Variants in PSMG2 observed in about 807,000 individuals in gnomAD.
The protein encoded by PSMG2 is proteasome assembly chaperone 2.
In PSMG2, 21 loss-of-function variants were observed where a neutral mutation model predicts 31.5. The observed-to-expected ratio is 0.67, with a 90% CI of 0.47 to 0.96. The LOEUF is 0.96. Among genes scored for constraint, PSMG2 ranks in the 40% least tolerant of loss-of-function variants. PSMG2 has a pLI of 0.00. For synonymous variants in PSMG2, 120 were observed against 110.4 expected, an observed-to-expected ratio of 1.09 and a Z score of -0.54; for missense variants, 318 against 321.2, an observed-to-expected ratio of 0.99 and a Z score of 0.08.
chr18:12,706,825 G>T, intron 2 of PSMG2, 104 bp downstream of exon 2: 1 of 1,226,430 alleles, frequency 8.2e-7, no homozygotes, highest in Admixed American at 2.7e-5. Flanking sequence ...TTTACTTAGT[G>T]CCAACTTTGT....
rs528331474 is a variant in PSMG2 at position 12,695,302 on chromosome 18, C to T, written c.-36-11248C>T. 5.1e-6 allele frequency: 8 copies of T among 1,573,074 alleles called. No individual in the cohort carries two copies. Among genetic ancestry groups the T allele is most frequent in the Admixed American group, 1.7e-5 (1 of 58,410 alleles). On this transcript the variant is annotated intron_variant, in intron 1 of 6. Transcript: ENST00000585331. ...ATAACGTTTGATTGAGTGGTGGATA[C>T]ATTTCAAGTTTTATATTTAAAATTC...
At chr18:12,680,045 G>A (rs1475447478) in intron 1 of PSMG2, among the ~76,000 whole-genome samples, 4 of 138,190 alleles carry the variant, frequency 2.9e-5, no homozygotes, top group African/African-American at 8.0e-5. Flanking sequence ...AACAGAATGA[G>A]ACACTGCAAA....
chr18:12,699,297 C>T (rs2040068929), upstream of PSMG2: 2 of 862,540 alleles, frequency 2.3e-6, no homozygotes, highest in Non-Finnish European at 3.6e-6. Context: ...CAGATAAAAA[C>T]CCAATACCAA....
At chr18:12,668,057 G>A (rs1264452424) in intron 1 of PSMG2, among the ~76,000 whole-genome samples, 1 of 152,048 alleles carries the variant, frequency 6.6e-6, no homozygotes, top group Non-Finnish European at 1.5e-5. Context: ...CTGAGGTCAG[G>A]AGTTTGAAAC....
rs183206746 is a variant in PSMG2, at chr18:12,716,758, A to G, written c.289-1759A>G. ...TGATTCTTTGTGCTGATACTGTTCT[A>G]AGTACCTTATATTTATTACTTAATC... On this transcript the variant is annotated intron_variant, in intron 3 of 6. Transcript: ENST00000317615. 1.8e-3 allele frequency among the ~76,000 whole-genome samples: 277 copies of G among 152,160 alleles called. 1 individual carries two copies. The highest frequency in any genetic ancestry group is 6.5e-3 in the African/African-American group (268 of 41,522).
At chr18:12,703,388 C>A (rs1182208469) in intron 1 of PSMG2, among the ~76,000 whole-genome samples, 1 of 152,276 alleles carries the variant, frequency 6.6e-6, no homozygotes, top group African/African-American at 2.4e-5. Context: ...TTTGTAGTCT[C>A]TGTTTCCTGT....
chr18:12,702,449 C>T (rs1386845224), upstream of PSMG2: 4 of 1,511,696 alleles, frequency 2.6e-6, no homozygotes, highest in South Asian at 1.1e-5. Flanking sequence ...GGTTATGGGT[C>T]GGCCCGGCGG....
At chr18:12,682,028 TCTGATA>T (rs928588822) in intron 1 of PSMG2, among the ~76,000 whole-genome samples, 8 of 151,880 alleles carry the variant, frequency 5.3e-5, no homozygotes, top group Non-Finnish European at 8.8e-5. Flanking sequence ...AAAGAAAATA[TCTGATA>T]CTGTGTTCTG....
chr18:12,683,003 TAGTC>T (rs1385539026), intron 1 of PSMG2, among the ~76,000 whole-genome samples: 15 of 152,098 alleles, frequency 9.9e-5, no homozygotes, highest in Non-Finnish European at 1.6e-4. Context: ...TCTGCAAAGA[TAGTC>T]AGTGTGAAAG....
chr18:12,710,358 A>G (rs1423494955), intron 2 of PSMG2, among the ~76,000 whole-genome samples: 1 of 152,194 alleles, frequency 6.6e-6, no homozygotes, highest in Non-Finnish European at 1.5e-5. Flanking sequence ...TTAATGCCTT[A>G]TCCTTCTTAG....
intron 1 of PSMG2, chr18:12,670,320 AC>A (rs1018869475): frequency 6.6e-6 from 1 of 151,458 alleles, no homozygotes. Context: ...ACAGAGTGAG[AC>A]TCTGTCTCAA....
chr18:12,720,533 C>A lies in PSMG2; in HGVS notation c.431C>A (p.Thr144Lys), dbSNP rs748583056. The A allele has an allele frequency of 2.5e-6, 4 of 1,609,936 alleles. No homozygotes were observed. Among genetic ancestry groups the A allele is most frequent in the Non-Finnish European group, 3.4e-6 (4 of 1,178,466 alleles). Residue 144 changes from threonine (T) to lysine (K), a missense_variant, in exon 5 of 7, where the codon ACA becomes AAA. Physicochemically the swap from Thr to Lys is moderately conservative, Grantham distance 78. Coordinates refer to ENST00000317615, the MANE Select transcript of PSMG2 (RefSeq NM_020232.5). ...AGTACTCCCTTCCGGTACCTACTTA[C>A]ACCTTCCATGCAAAAAAGTGTTCAA... ...LRSTPFRYLL[T>K]PSMQKSVQNK...
chr18:12,683,283 C>T (rs978975617), intron 1 of PSMG2, among the ~76,000 whole-genome samples: 5 of 149,456 alleles, frequency 3.3e-5, no homozygotes, highest in African/African-American at 4.9e-5. Context: ...GGCTGGGAGG[C>T]GGAGGTTGCA....
chr18:12,695,591 A>G (rs893597719), intron 1 of PSMG2, among the ~76,000 whole-genome samples: 3 of 151,936 alleles, frequency 2.0e-5, no homozygotes, highest in Non-Finnish European at 4.4e-5. Flanking sequence ...TTCTTCTTTA[A>G]GTAGAGATGG....
intron 5 of PSMG2, among the ~76,000 whole-genome samples, chr18:12,723,790 C>T (rs1555650468): frequency 6.6e-6 from 1 of 152,196 alleles, no homozygotes; most frequent in Non-Finnish European, 1.5e-5. Flanking sequence ...GCCTCCACTA[C>T]CTCCTTTCAG....
chr18:12,706,850 C>A, intron 2 of PSMG2, 129 bp downstream of exon 2: 1 of 912,512 alleles, frequency 1.1e-6, no homozygotes. Context: ...AGTTCACAAC[C>A]CAATCACATT....
At chr18:12,675,959 G>A (rs146974383) in intron 1 of PSMG2, among the ~76,000 whole-genome samples, 96 of 152,126 alleles carry the variant, frequency 6.3e-4, no homozygotes, top group African/African-American at 1.8e-3. Flanking sequence ...ATAAGCCACC[G>A]TGCCCAGCCC....
chr18:12,674,713 T>C (rs1298646553), intron 1 of PSMG2: 9 of 1,614,040 alleles, frequency 5.6e-6, no homozygotes, highest in Non-Finnish European at 7.6e-6. Context: ...TGATAAAAGG[T>C]AGGAGAGCTG....
intron 3 of PSMG2, among the ~76,000 whole-genome samples, chr18:12,717,452 T>G (rs921749152): frequency 6.6e-6 from 1 of 152,246 alleles, no homozygotes; most frequent in African/African-American, 2.4e-5. Flanking sequence ...CCACACCTAC[T>G]TGATCTCTCG....
Sources: gnomAD v4.1 joint callset for allele counts (sites outside exome capture counted in the v4.1 genomes callset) on GRCh38, gnomAD v4.1.1 for gene constraint, MANE v1.5 for transcripts, NCBI Gene and HGNC (gene_info 2026-07-23, HGNC 2026-07-21) for gene names.